Variants in AMOTL1 observed in about 807,000 individuals in gnomAD.
AMOTL1 encodes the protein angiomotin-like protein 1.
In AMOTL1, 45 loss-of-function variants were observed where a neutral mutation model predicts 102.9. The observed-to-expected ratio is 0.44, with a 90% CI of 0.34 to 0.56. AMOTL1 has a LOEUF of 0.56. AMOTL1 is among the 20% of genes least tolerant of loss of function. The pLI, the probability that AMOTL1 is intolerant of heterozygous loss-of-function variation, is 0.01. For synonymous variants in AMOTL1, 481 were observed against 484.7 expected, an observed-to-expected ratio of 0.99 and a Z score of 0.10; for missense variants, 1,114 against 1,225.6, an observed-to-expected ratio of 0.91 and a Z score of 1.36.
At chr11:94,865,170 T>C (rs1952856254) in intron 10 of AMOTL1, among the ~76,000 whole-genome samples, 1 of 152,198 alleles carries the variant, frequency 6.6e-6, no homozygotes, top group Non-Finnish European at 1.5e-5. Flanking sequence ...TCTATCTCTA[T>C]GACATTATGA....
chr11:94,864,369 G>T (rs544165917), intron 9 of AMOTL1, among the ~76,000 whole-genome samples: 152 of 152,228 alleles, frequency 1.0e-3, no homozygotes, highest in Non-Finnish European at 1.9e-3. Context: ...TAGTCAGAAG[G>T]GGGAGGGGAC....
At chr11:94,734,989 C>T (rs1282356683) in intron 2 of AMOTL1, among the ~76,000 whole-genome samples, 1 of 152,188 alleles carries the variant, frequency 6.6e-6, no homozygotes, top group Non-Finnish European at 1.5e-5. Flanking sequence ...GATAAAGTTT[C>T]TCCCCATGTG....
intron 6 of AMOTL1, among the ~76,000 whole-genome samples, chr11:94,841,322 C>T (rs536313574): frequency 5.9e-5 from 9 of 152,076 alleles, no homozygotes; most frequent in African/African-American, 1.2e-4. Context: ...CGTGGTGGCA[C>T]GCACCTGTAA....
At chr11:94,865,628 C>G (rs1180285962) in intron 10 of AMOTL1, among the ~76,000 whole-genome samples, 2 of 152,182 alleles carry the variant, frequency 1.3e-5, no homozygotes, top group Non-Finnish European at 2.9e-5. Flanking sequence ...CTACCCCCGG[C>G]CCCCACCGCC....
At chr11:94,837,053 G>A (rs1195450944) in intron 6 of AMOTL1, among the ~76,000 whole-genome samples, 2 of 152,202 alleles carry the variant, frequency 1.3e-5, no homozygotes, top group Non-Finnish European at 2.9e-5. Context: ...CTGCCAGGGT[G>A]ACATCATTTT....
chr11:94,802,995 A>G (rs982755788), intron 3 of AMOTL1, among the ~76,000 whole-genome samples: 2 of 152,182 alleles, frequency 1.3e-5, no homozygotes, highest in Non-Finnish European at 2.9e-5. Context: ...GCCATTGTGT[A>G]CATACGTACA....
At chr11:94,729,969 T>A (rs930699531) in intron 2 of AMOTL1, among the ~76,000 whole-genome samples, 1 of 152,114 alleles carries the variant, frequency 6.6e-6, no homozygotes, top group Non-Finnish European at 1.5e-5. Flanking sequence ...CACCAGGGTA[T>A]GTCTTCCAAC....
intron 2 of AMOTL1, among the ~76,000 whole-genome samples, chr11:94,738,157 G>A (rs1033057744): frequency 3.3e-5 from 5 of 152,124 alleles, no homozygotes; most frequent in Admixed American, 6.5e-5. Context: ...GAGCGGGAGA[G>A]TAAATAAACA....
intron 1 of AMOTL1, among the ~76,000 whole-genome samples, chr11:94,723,056 C>T (rs1950198811): frequency 6.6e-6 from 1 of 152,082 alleles, no homozygotes; most frequent in African/African-American, 2.4e-5. Context: ...TCCGATTTAA[C>T]CCTGCTTTAT....
chr11:94,793,214 T>C (rs765171319), intron 1 of AMOTL1, among the ~76,000 whole-genome samples: 1 of 152,228 alleles, frequency 6.6e-6, no homozygotes, highest in Non-Finnish European at 1.5e-5. Flanking sequence ...CCTGACTCAG[T>C]GTCTATTTTA....
At chr11:94,765,189 T>C (rs761659462), upstream of AMOTL1, among the ~76,000 whole-genome samples, 3 of 152,226 alleles carry the variant, frequency 2.0e-5, no homozygotes, top group Non-Finnish European at 2.9e-5. Flanking sequence ...AATGACAACT[T>C]GGGTCACTTT....
chr11:94,815,170 A>G (rs1951744054), intron 3 of AMOTL1, among the ~76,000 whole-genome samples: 1 of 152,222 alleles, frequency 6.6e-6, no homozygotes, highest in Admixed American at 6.5e-5. Context: ...GTTTAGATTC[A>G]TTGGTAAAGT....
chr11:94,731,722 C>A (rs1268980655), intron 2 of AMOTL1, among the ~76,000 whole-genome samples: 6 of 152,116 alleles, frequency 3.9e-5, no homozygotes, highest in Non-Finnish European at 8.8e-5. Flanking sequence ...GGCTGAGAAA[C>A]TTGTACGACA....
intron 6 of AMOTL1, among the ~76,000 whole-genome samples, chr11:94,839,457 G>T (rs1452895848): frequency 6.6e-6 from 1 of 152,226 alleles, no homozygotes; most frequent in East Asian, 1.9e-4. Context: ...CATACAGGCT[G>T]ATAACTGAAG....
chr11:94,708,455 T>A (rs1949968127), intron 1 of AMOTL1, among the ~76,000 whole-genome samples: 2 of 152,212 alleles, frequency 1.3e-5, no homozygotes, highest in South Asian at 4.1e-4. Flanking sequence ...CCTCCCGGTA[T>A]GGCTTGGACC....
Position 94,821,255 on chromosome 11 carries a change from G to A in AMOTL1, c.1122-275G>A, listed in dbSNP as rs1339576085. Reference sequence around the variant, plus strand: ...TTATTCTTTGGAGAGTACTTGTTACGTTTTGATACTTGGCTTTATTGTTGG... The same window carrying A: ...TTATTCTTTGGAGAGTACTTGTTACATTTTGATACTTGGCTTTATTGTTGG... On this transcript the variant is annotated intron_variant, in intron 3 of 12. Transcript: ENST00000433060. Among the ~76,000 whole-genome samples the A allele has an allele frequency of 5.3e-5, 8 of 152,192 alleles. No individual in the cohort carries two copies. In the East Asian group the frequency reaches 1.3e-3, roughly 26 times the overall value.
intron 3 of AMOTL1, among the ~76,000 whole-genome samples, chr11:94,818,267 C>G (rs1388994264): frequency 6.6e-6 from 1 of 152,192 alleles, no homozygotes; most frequent in African/African-American, 2.4e-5. Context: ...CATGTCTACA[C>G]AGTCCCTGTA....
intron 2 of AMOTL1, among the ~76,000 whole-genome samples, chr11:94,733,609 G>C (rs1335261143): frequency 6.6e-6 from 1 of 152,210 alleles, no homozygotes; most frequent in East Asian, 1.9e-4. Context: ...TCCCCCTCAG[G>C]CCTCTGCCTT....
At chr11:94,717,825 G>C (rs2135438105) in intron 1 of AMOTL1, among the ~76,000 whole-genome samples, 1 of 151,500 alleles carries the variant, frequency 6.6e-6, no homozygotes, top group South Asian at 2.1e-4. Flanking sequence ...TCAGTACAAA[G>C]AAAGAAATTG....
Sources: allele counts gnomAD v4.1 joint callset (sites outside exome capture counted in the v4.1 genomes callset), GRCh38; gene constraint gnomAD v4.1.1; transcripts MANE v1.5; gene names NCBI Gene and HGNC (gene_info 2026-07-23, HGNC 2026-07-21).